Variants in NRP2 observed in about 807,000 individuals in gnomAD.
NRP2 encodes neuropilin-2.
In NRP2, 52 loss-of-function variants were observed where a neutral mutation model predicts 110.4. The ratio of observed to expected loss-of-function variants is 0.47; its 90% confidence interval spans 0.38 to 0.59. The LOEUF is 0.59. NRP2 is among the 20% of genes least tolerant of loss of function. The pLI, the probability that NRP2 is intolerant of heterozygous loss-of-function variation, is 0.00. For synonymous variants in NRP2, 508 were observed against 468.9 expected (o/e 1.08, Z -1.08); for missense variants, 1,049 against 1,203.0 (o/e 0.87, Z 1.89).
intron 12 of NRP2, among the ~76,000 whole-genome samples, chr2:205,753,480 C>G (rs1229920654): frequency 6.6e-6 from 1 of 152,212 alleles, no homozygotes; most frequent in African/African-American, 2.4e-5. Context: ...CCATGGGTAT[C>G]TAGCAGAGCT....
At chr2:205,770,888 A>T (rs1273676518) in intron 15 of NRP2, among the ~76,000 whole-genome samples, 2 of 152,096 alleles carry the variant, frequency 1.3e-5, no homozygotes, top group African/African-American at 4.8e-5. Flanking sequence ...GGGGACACAG[A>T]GGTGTTCTTT....
chr2:205,689,344 G>A (rs2056253435), intron 1 of NRP2, among the ~76,000 whole-genome samples: 1 of 152,182 alleles, frequency 6.6e-6, no homozygotes, highest in African/African-American at 2.4e-5. Context: ...GTCTGTAAAT[G>A]TGTTTGGTAA....
At chr2:205,724,092 T>A (rs1372062953) in intron 5 of NRP2, 152 bp downstream of exon 5, 15 of 806,146 alleles carry the variant, frequency 1.9e-5, no homozygotes, top group Non-Finnish European at 2.6e-5. Flanking sequence ...CACATCCTCT[T>A]GCCAGGAAGA....
chr2:205,722,771 T>C, intron 4 of NRP2, 63 bp downstream of exon 4: 1 of 1,359,512 alleles, frequency 7.4e-7, no homozygotes, highest in Non-Finnish European at 1.0e-6. Flanking sequence ...GCTTTAGTGA[T>C]GATAAAGAGG....
Position 205,763,610 on chromosome 2 carries a change from G to T in NRP2, c.2045-64G>T. Reference sequence around the variant, plus strand: ...CCAACTTTCCCTTGGAGAGGCCACAGCAGCACACTGGTGTCTTTCCCGAGT... The same window carrying T: ...CCAACTTTCCCTTGGAGAGGCCACATCAGCACACTGGTGTCTTTCCCGAGT... On this transcript the variant is annotated intron_variant, in intron 12 of 16. Transcript: ENST00000357785. This position sits in a 1 kb window ranked among gnomAD's most constrained non-coding sequence, Gnocchi z 4.0. 6.2e-7 allele frequency: 1 copy of T among 1,603,716 alleles called. No homozygotes were observed. The highest frequency in any genetic ancestry group is 8.5e-7 in the Non-Finnish European group (1 of 1,171,780).
chr2:205,773,606 TATGTAATCC>T (rs1346024916), intron 15 of NRP2, among the ~76,000 whole-genome samples: 2 of 152,222 alleles, frequency 1.3e-5, no homozygotes, highest in Non-Finnish European at 2.9e-5. Flanking sequence ...TGATTCTAAA[TATGTAATCC>T]ATGTACTAGG....
At chr2:205,693,598 T>C (rs1030538328) in intron 1 of NRP2, among the ~76,000 whole-genome samples, 1 of 152,212 alleles carries the variant, frequency 6.6e-6, no homozygotes, top group African/African-American at 2.4e-5. Flanking sequence ...TTCTTTGAAT[T>C]ACAGTTTGTG....
In NRP2 at chr2:205,743,403, G is replaced by T; in HGVS notation, c.1492G>T (p.Val498Leu). Residue 498 changes from valine to leucine, a missense_variant, in exon 9 of 17, where the codon GTG (valine) becomes TTG (leucine). Transcript: ENST00000357785. The part of the protein sequence containing the change: ...LQVDLGTPKT[V>L]KGVIIQGARG... ...GGTAGATCTGGGAACACCCAAGACA[G>T]TGAAAGGTGTCATCATCCAGGGAGC... 6.2e-7 allele frequency: 1 copy of T among 1,614,250 alleles called. No individual in the cohort carries two copies. The highest frequency in any genetic ancestry group is 8.5e-7 in the Non-Finnish European group (1 of 1,180,046).
intron 15 of NRP2, among the ~76,000 whole-genome samples, chr2:205,791,714 G>C (rs2058303984): frequency 6.6e-6 from 1 of 152,180 alleles, no homozygotes; most frequent in Non-Finnish European, 1.5e-5. Flanking sequence ...CAGGCATTAT[G>C]ACATGCCTTC....
chr2:205,726,111 G>C (rs760660570), intron 6 of NRP2, 29 bp downstream of exon 6: 1 of 1,612,606 alleles, frequency 6.2e-7, no homozygotes, highest in African/African-American at 1.3e-5. Context: ...GAGGATGTGA[G>C]AGTGTGTATG....
chr2:205,712,775 G>T (rs1207454697), intron 2 of NRP2, among the ~76,000 whole-genome samples: 1 of 152,196 alleles, frequency 6.6e-6, no homozygotes. Context: ...AGAACCAGAA[G>T]ACTGGAAGTT....
intron 1 of NRP2, among the ~76,000 whole-genome samples, chr2:205,691,333 G>A (rs1235351616): frequency 6.6e-6 from 1 of 152,214 alleles, no homozygotes; most frequent in East Asian, 1.9e-4. Context: ...AGGCAGCCTG[G>A]AGTGAGAGAG....
chr2:205,749,842 G>A lies in NRP2; in HGVS notation c.1903+1G>A. On this transcript the variant is annotated splice_donor_variant, in intron 11 of 16. Coordinates refer to ENST00000357785, the MANE Select transcript of NRP2 (RefSeq NM_003872.3). LOFTEE classifies it high-confidence loss of function. Reference sequence around the variant, plus strand: ...GGGGAGAACTGCAGCTTTGAGGATGGTAAGCACAAATTGCCTCCAGATGGC... The same window carrying A: ...GGGGAGAACTGCAGCTTTGAGGATGATAAGCACAAATTGCCTCCAGATGGC... 1 of 1,612,424 alleles carries A rather than the reference G, an allele frequency of 6.2e-7. No individual in the cohort carries two copies. Among genetic ancestry groups the A allele is most frequent in the Non-Finnish European group, 8.5e-7 (1 of 1,178,550 alleles).
At chr2:205,697,780 C>A in intron 2 of NRP2, 59 bp downstream of exon 2, 2 of 1,505,440 alleles carry the variant, frequency 1.3e-6, no homozygotes, top group South Asian at 1.1e-5. Context: ...GCCCTGCCCC[C>A]ACCCCTGCTC....
chr2:205,740,766 A>G, intron 8 of NRP2, 103 bp downstream of exon 8: 1 of 1,371,812 alleles, frequency 7.3e-7, no homozygotes, highest in South Asian at 1.3e-5. Flanking sequence ...TGACCTTCCC[A>G]GAAAGACTGG....
In NRP2 at chr2:205,716,233, G is replaced by T. The variant is rs765066964; in HGVS notation, c.292G>T (p.Ala98Ser). The T allele has an allele frequency of 6.2e-6, 10 of 1,614,036 alleles. No homozygotes were observed. Among genetic ancestry groups the T allele is most frequent in the Middle Eastern group, 3.3e-4 (2 of 6,084 alleles). ...GATTCGGGATGGGGACAGTGAATCC[G>T]CAGACCTCCTGGGCAAACACTGTGG... ...IEIRDGDSESADLLGKHCGNI... is the reference protein window; with the variant it reads ...IEIRDGDSESSDLLGKHCGNI... The change falls in exon 3 of 17, where the codon GCA becomes TCA. Residue 98 changes from alanine (A) to serine (S), a missense_variant. By Grantham distance (99) the Ala-to-Ser change is moderately conservative. Coordinates refer to ENST00000357785, the MANE Select transcript of NRP2 (RefSeq NM_003872.3).
chr2:205,769,656 A>AT lies in NRP2; in HGVS notation c.2425+2859dup, dbSNP rs536722177. Among the ~76,000 whole-genome samples, 9 of 152,278 alleles carry AT rather than the reference A, an allele frequency of 5.9e-5. No individual in the cohort carries two copies. In the South Asian group the frequency reaches 1.9e-3, roughly 32 times the overall value. ...AATGAATAAACTGTGTTGTCATGTG[A>AT]TTTTTTAAAAAGACCCTTTTTTGTG... On this transcript the variant is annotated intron_variant, in intron 15 of 16. Coordinates refer to ENST00000357785, the MANE Select transcript of NRP2 (RefSeq NM_003872.3).
chr2:205,773,723 C>A (rs757334970), intron 15 of NRP2, among the ~76,000 whole-genome samples: 1 of 152,236 alleles, frequency 6.6e-6, no homozygotes, highest in African/African-American at 2.4e-5. Flanking sequence ...ATGAAGGCTT[C>A]ATCCTTCTCC....
At chr2:205,702,078 C>T (rs1328777656) in intron 2 of NRP2, among the ~76,000 whole-genome samples, 4 of 152,226 alleles carry the variant, frequency 2.6e-5, no homozygotes, top group Non-Finnish European at 5.9e-5. Context: ...TGCAAGATTG[C>T]TCTGCCTTTT....
Sources: gnomAD v4.1 joint callset for allele counts (sites outside exome capture counted in the v4.1 genomes callset) on GRCh38, gnomAD v4.1.1 for gene constraint, Gnocchi (gnomAD v3.1) non-coding constraint, MANE v1.5 for transcripts, NCBI Gene and HGNC (gene_info 2026-07-23, HGNC 2026-07-21) for gene names.